Variants in RORA observed in about 807,000 individuals in gnomAD.
The protein encoded by RORA is RAR related orphan receptor A.
A neutral mutation model predicts 69.5 loss-of-function variants in RORA; 7 were observed. The ratio of observed to expected loss-of-function variants is 0.10; its 90% confidence interval spans 0.06 to 0.19. The LOEUF (loss-of-function observed/expected upper bound fraction) is 0.19, where lower values mean the gene tolerates loss of function less well. RORA is among the 10% of genes least tolerant of loss of function. The pLI is 1.00. For missense variants in RORA, 457 were observed against 663.0 expected (o/e 0.69, Z 3.41); for synonymous variants, 261 against 240.8 (o/e 1.08, Z -0.78).
intron 2 of RORA, among the ~76,000 whole-genome samples, chr15:60,567,164 T>C (rs2140439772): frequency 6.6e-6 from 1 of 151,662 alleles, no homozygotes; most frequent in South Asian, 2.1e-4. Flanking sequence ...GAATTTCACA[T>C]TAAAGTTCAG....
chr15:60,621,050 T>G (rs746257429), intron 2 of RORA, among the ~76,000 whole-genome samples: 24 of 152,170 alleles, frequency 1.6e-4, no homozygotes, highest in Non-Finnish European at 2.8e-4. Flanking sequence ...TTACTATGCT[T>G]TGGCGTAGAG....
intron 1 of RORA, among the ~76,000 whole-genome samples, chr15:61,137,494 C>T (rs938952807): frequency 6.6e-6 from 1 of 152,180 alleles, no homozygotes; most frequent in African/African-American, 2.4e-5. Flanking sequence ...GTAAAATGCC[C>T]TCTTTCCTGG....
chr15:60,733,914 C>CAGAGAGAGAG lies in RORA; in HGVS notation c.167-55238_167-55229dup, dbSNP rs58672002. 9.5e-3 allele frequency among the ~76,000 whole-genome samples: 964 copies of CAGAGAGAGAG among 101,276 alleles called. 14 individuals are homozygous for CAGAGAGAGAG. The highest frequency in any genetic ancestry group is 0.031 in the East Asian group (109 of 3,500). The allele number at this position is 101,276 out of a possible 152,430, so 66.4% of individuals were successfully genotyped here. ...CACAGGTGAGCGGTTAGAATAGGGGCAGAGAGAGAGAGAGAGAGAGAGAGA... is the reference window on the plus strand; with the variant it reads ...CACAGGTGAGCGGTTAGAATAGGGGCAGAGAGAGAGAGAGAGAGAGAGAGAGAGAGAGAGA... On this transcript the variant is annotated intron_variant, in intron 1 of 10. Coordinates refer to ENST00000335670, the MANE Select transcript of RORA (RefSeq NM_134261.3).
intron 1 of RORA, among the ~76,000 whole-genome samples, chr15:61,220,740 T>C (rs892437358): frequency 3.9e-5 from 6 of 152,336 alleles, no homozygotes; most frequent in East Asian, 3.9e-4. Flanking sequence ...CCTTTGTCAA[T>C]TGGCATTCTC....
chr15:60,899,865 T>C (rs972405147), intron 1 of RORA, among the ~76,000 whole-genome samples: 1 of 152,232 alleles, frequency 6.6e-6, no homozygotes, highest in Non-Finnish European at 1.5e-5. Context: ...GTTGAGATGC[T>C]GTTAAGGCCT....
intron 1 of RORA, among the ~76,000 whole-genome samples, chr15:61,063,119 C>T (rs1311791121): frequency 6.6e-6 from 1 of 152,184 alleles, no homozygotes; most frequent in Non-Finnish European, 1.5e-5. Context: ...CCTGTGAAGC[C>T]CACAAATCAG....
chr15:60,813,162 A>G (rs565671679), intron 1 of RORA, among the ~76,000 whole-genome samples: 1 of 152,272 alleles, frequency 6.6e-6, no homozygotes, highest in African/African-American at 2.4e-5. Flanking sequence ...TATCCTGTCC[A>G]TTTACATCCC....
chr15:60,956,782 T>C (rs930995650), intron 1 of RORA, among the ~76,000 whole-genome samples: 1 of 152,216 alleles, frequency 6.6e-6, no homozygotes, highest in Admixed American at 6.5e-5. Context: ...AGTATCTTAG[T>C]AGGCCCCCTC....
intron 1 of RORA, among the ~76,000 whole-genome samples, chr15:60,735,146 A>G (rs1185854881): frequency 6.6e-6 from 1 of 152,218 alleles, no homozygotes; most frequent in Admixed American, 6.5e-5. Context: ...ATTCAAGAGA[A>G]GGCAAATATA....
chr15:60,668,288 G>A (rs191685329), intron 2 of RORA, among the ~76,000 whole-genome samples: 30 of 152,276 alleles, frequency 2.0e-4, no homozygotes, highest in Non-Finnish European at 4.4e-4. Flanking sequence ...GTTAGATTTT[G>A]TCTCCTTAAA....
chr15:60,675,971 C>G (rs1383332552), intron 2 of RORA, among the ~76,000 whole-genome samples: 2 of 152,134 alleles, frequency 1.3e-5, no homozygotes, highest in African/African-American at 2.4e-5. Context: ...GTAGTCAAGT[C>G]TTGACTAAGG....
At chr15:61,167,482 ATTT>A (rs199752865) in intron 1 of RORA, among the ~76,000 whole-genome samples, 55 of 133,560 alleles carry the variant, frequency 4.1e-4, no homozygotes, top group East Asian at 2.1e-3. Context: ...TTTGACCAGG[ATTT>A]TTTTTTTTTT....
chr15:60,756,514 C>T (rs2071803710), intron 1 of RORA, among the ~76,000 whole-genome samples: 1 of 152,114 alleles, frequency 6.6e-6, no homozygotes. Flanking sequence ...TTGCATTTAC[C>T]TGTCACATAA....
chr15:61,227,194 T>C (rs1180376273), intron 1 of RORA, among the ~76,000 whole-genome samples: 1 of 136,674 alleles, frequency 7.3e-6, no homozygotes, highest in Non-Finnish European at 1.6e-5. Flanking sequence ...TCCTAAATAC[T>C]ATGTCCCCCC....
At chr15:60,941,446 G>A (rs534707646) in intron 1 of RORA, among the ~76,000 whole-genome samples, 14 of 152,344 alleles carry the variant, frequency 9.2e-5, no homozygotes, top group South Asian at 4.1e-4. Context: ...TTGTCCCAAT[G>A]TCATTGTTCT....
At chr15:60,701,881 C>T (rs2070987119) in intron 1 of RORA, among the ~76,000 whole-genome samples, 1 of 152,172 alleles carries the variant, frequency 6.6e-6, no homozygotes, top group Non-Finnish European at 1.5e-5. Context: ...TCTTCAAAGG[C>T]CTGGAATACT....
At chr15:60,837,600 G>C (rs1035678794) in intron 1 of RORA, among the ~76,000 whole-genome samples, 15 of 152,202 alleles carry the variant, frequency 9.9e-5, no homozygotes, top group African/African-American at 3.4e-4. Flanking sequence ...TTGGAGTGTA[G>C]GGGCGCACCC....
chr15:60,951,043 A>C (rs1038492677), intron 1 of RORA, among the ~76,000 whole-genome samples: 1 of 151,024 alleles, frequency 6.6e-6, no homozygotes, highest in Non-Finnish European at 1.5e-5. Flanking sequence ...TTGGAAGTAA[A>C]GCTCTCCTCA....
chr15:60,870,584 TG>T (rs1490256248), intron 1 of RORA, among the ~76,000 whole-genome samples: 3 of 152,186 alleles, frequency 2.0e-5, no homozygotes, highest in Non-Finnish European at 2.9e-5. Context: ...AGAAGGCACT[TG>T]GCCATTAGAT....
Sources: gnomAD v4.1 joint callset for allele counts (sites outside exome capture counted in the v4.1 genomes callset) on GRCh38, gnomAD v4.1.1 for gene constraint, MANE v1.5 for transcripts, NCBI Gene and HGNC (gene_info 2026-07-23, HGNC 2026-07-21) for gene names.